Variants in MYO7B observed in about 807,000 individuals in gnomAD.
MYO7B encodes myosin VIIB, also known as unconventional myosin-VIIb.
A neutral mutation model predicts 259.7 loss-of-function variants in MYO7B; 212 were observed. The observed-to-expected ratio is 0.82, with a 90% confidence interval of 0.73 to 0.91. The LOEUF (loss-of-function observed/expected upper bound fraction) is 0.91, where lower values mean the gene tolerates loss of function less well. Among genes scored for constraint, MYO7B ranks in the 40% least tolerant of loss-of-function variants. The probability of loss-of-function intolerance (pLI) is 0.00; values close to 1 mark genes in which losing one functional copy is unlikely to be tolerated. For synonymous variants in MYO7B, 1,197 were observed against 1,166.4 expected (o/e 1.03, Z -0.54); for missense variants, 2,732 against 2,813.5 (o/e 0.97, Z 0.66).
chr2:127,565,764 A>G (rs1316742144), intron 4 of MYO7B, among the ~76,000 whole-genome samples: 1 of 152,116 alleles, frequency 6.6e-6, no homozygotes, highest in Non-Finnish European at 1.5e-5. Context: ...CCAGATCCCA[A>G]GGTCCTGATT....
intron 26 of MYO7B, among the ~76,000 whole-genome samples, chr2:127,616,367 T>C (rs935371870): frequency 5.9e-5 from 9 of 152,316 alleles, no homozygotes; most frequent in African/African-American, 1.2e-4. Context: ...CTAGTTGTAC[T>C]TCCAAATCCC....
At chr2:127,570,059 G>A in intron 6 of MYO7B, 149 bp downstream of exon 6, 1 of 1,013,602 alleles carries the variant, frequency 9.9e-7, no homozygotes, top group Non-Finnish European at 1.4e-6. Flanking sequence ...TGGGGTGCAT[G>A]GTAGGGGAAG....
chr2:127,600,475 C>T (rs143164600), intron 19 of MYO7B, among the ~76,000 whole-genome samples: 2,469 of 152,232 alleles, frequency 0.016, 74 homozygotes, highest in African/African-American at 0.056. Context: ...CTTTGGAGGC[C>T]GAGGCAGGCA....
At position 127,611,152 on chromosome 2, in the gene MYO7B, T is replaced by C. The variant is rs1680370854; in HGVS notation, c.3193-1098T>C. Among the ~76,000 whole-genome samples, 1 of 152,222 alleles carries C rather than the reference T, an allele frequency of 6.6e-6. No homozygotes were observed. ...CTGTTGGTGGGAGGCCTCAGTTCCT[T>C]GTCATGTGGGCCTTTCCACAAAGCT... On this transcript the variant is annotated intron_variant, in intron 24 of 47. Coordinates refer to ENST00000409816, the MANE Select transcript of MYO7B (RefSeq NM_001393586.1). This position sits in a 1 kb window ranked among gnomAD's most constrained non-coding sequence, Gnocchi z 5.4.
Position 127,636,332 on chromosome 2 carries a change from T to C in MYO7B, c.6123+8T>C, listed in dbSNP as rs1366431711. On this transcript the variant is annotated splice_region_variant and intron_variant, in intron 45 of 47. Transcript: ENST00000409816. The surrounding 1 kb of genome is among the most constrained non-coding windows in gnomAD (Gnocchi z 4.5). ...GCCTTCTTCGAGGTGAAGGTAAACC[T>C]TGCCCCACGCCAGGGCCTCCTACCC... 2.5e-6 allele frequency: 4 copies of C among 1,610,608 alleles called. No individual in the cohort carries two copies. In the Admixed American group the frequency reaches 6.7e-5, roughly 27 times the overall value.
At chr2:127,620,530 C>T (rs1436883743) in intron 27 of MYO7B, 64 bp downstream of exon 27, 1 of 1,415,962 alleles carries the variant, frequency 7.1e-7, no homozygotes, top group Admixed American at 2.5e-5. Flanking sequence ...TAGGTGGCCC[C>T]TGGCCCTGGA....
chr2:127,610,305 CATAACA>C (rs560643896), intron 24 of MYO7B, among the ~76,000 whole-genome samples: 77 of 152,268 alleles, frequency 5.1e-4, no homozygotes, highest in Non-Finnish European at 9.0e-4. Flanking sequence ...TTCAGATGCA[CATAACA>C]ATAACAATAA....
intron 6 of MYO7B, 22 bp downstream of exon 6, chr2:127,569,932 G>C: frequency 1.3e-6 from 2 of 1,599,544 alleles, no homozygotes; most frequent in Non-Finnish European, 8.5e-7. Context: ...TCTGGGACCC[G>C]CCCTTCTCCC....
At chr2:127,598,082 G>GT (rs1679838620) in intron 19 of MYO7B, among the ~76,000 whole-genome samples, 1 of 152,174 alleles carries the variant, frequency 6.6e-6, no homozygotes, top group Admixed American at 6.5e-5. Flanking sequence ...CATTTATGAG[G>GT]TTTTTGTGAG....
Position 127,634,218 on chromosome 2 carries a change from G to A in MYO7B, c.5554G>A (p.Asp1852Asn). Residue 1852 changes from aspartate to asparagine, a missense_variant, in exon 41 of 48, where the codon GAC becomes AAC. Coordinates refer to ENST00000409816, the MANE Select transcript of MYO7B (RefSeq NM_001393586.1). ...VANTRVRDVC[D>N]SIATRLQLAS... ...CAACACACGGGTGCGGGATGTGTGT[G>A]ACAGCATTGCCACCAGGCTGCAGCT... The A allele has an allele frequency of 6.2e-7, 1 of 1,601,752 alleles. No homozygotes were observed. The highest frequency in any genetic ancestry group is 1.3e-5 in the African/African-American group (1 of 74,414).
intron 9 of MYO7B, 84 bp from the exon 10 acceptor site, chr2:127,580,662 C>T (rs1197255235): frequency 1.3e-5 from 17 of 1,331,876 alleles, no homozygotes; most frequent in South Asian, 2.5e-5. Flanking sequence ...GGATCTGGGG[C>T]TGCCAAGGGC....
chr2:127,619,805 C>T (rs922616895), intron 26 of MYO7B, among the ~76,000 whole-genome samples: 9 of 152,052 alleles, frequency 5.9e-5, no homozygotes, highest in South Asian at 2.1e-4. Flanking sequence ...TGGGGAAGGA[C>T]GCAGGAGAGA....
At chr2:127,625,129 T>G (rs1681040164) in intron 30 of MYO7B, among the ~76,000 whole-genome samples, 1 of 152,194 alleles carries the variant, frequency 6.6e-6, no homozygotes, top group Admixed American at 6.5e-5. Context: ...ACCCCAGAAC[T>G]GGAGAGCAGC....
At chr2:127,624,380 G>A in intron 30 of MYO7B, 60 bp downstream of exon 30, 2 of 1,475,744 alleles carry the variant, frequency 1.4e-6, no homozygotes, top group Admixed American at 4.2e-5. Context: ...ATCCCATAGA[G>A]GAGGCACCCA....
In MYO7B at chr2:127,535,852, T is replaced by C. The variant is rs1259273902; in HGVS notation, c.-24+21T>C. On this transcript the variant is annotated intron_variant, in intron 1 of 47. Coordinates refer to ENST00000409816, the MANE Select transcript of MYO7B (RefSeq NM_001393586.1). This position sits in a 1 kb window ranked among gnomAD's most constrained non-coding sequence, Gnocchi z 4.8. ...ACAAGGTAAGGGCGTGCCGGGGGCG[T>C]GTCTGCCAGCGGGGAGTAGGGGGTC... The C allele has an allele frequency of 6.6e-6, 1 of 152,016 alleles. No homozygotes were observed. The highest frequency in any genetic ancestry group is 1.5e-5 in the Non-Finnish European group (1 of 68,132). 9.4% of individuals were successfully genotyped at this position (152,016 alleles called of 1,614,324 possible).
At chr2:127,588,592 T>G (rs1679395919) in intron 15 of MYO7B, 37 bp downstream of exon 15, 2 of 1,610,578 alleles carry the variant, frequency 1.2e-6, no homozygotes, top group East Asian at 2.2e-5. Flanking sequence ...CTGTCACCCC[T>G]GATGGCTACA....
chr2:127,636,917 A>G lies in MYO7B; in HGVS notation c.6327+4A>G, dbSNP rs769492742. ...CCTGCTGTGCGAGACCTCCCTGGTG[A>G]GCTCAGGTTCTTTCTCCCATCCAAG... On this transcript the variant is annotated splice_donor_region_variant and intron_variant, in intron 47 of 47. Transcript: ENST00000409816. The surrounding 1 kb of genome is among the most constrained non-coding windows in gnomAD (Gnocchi z 4.5). 1 of 1,611,038 alleles carries G rather than the reference A, an allele frequency of 6.2e-7. No individual in the cohort carries two copies. The highest frequency in any genetic ancestry group is 1.1e-5 in the South Asian group (1 of 91,090).
rs1295016059 is a variant in MYO7B at position 127,546,375 on chromosome 2, G to C, written c.-24+10544G>C. ...GGCACTCAGCTGCTTGCCCACTCCA[G>C]CCCTGTCCTGGTCCAGCAATGCTTT... On this transcript the variant is annotated intron_variant, in intron 1 of 47. Coordinates refer to ENST00000409816, the MANE Select transcript of MYO7B (RefSeq NM_001393586.1). The surrounding 1 kb of genome is among the most constrained non-coding windows in gnomAD (Gnocchi z 4.2). Among the ~76,000 whole-genome samples, 1 of 152,144 alleles carries C rather than the reference G, an allele frequency of 6.6e-6. No homozygotes were observed. The highest frequency in any genetic ancestry group is 1.9e-4 in the East Asian group (1 of 5,188).
chr2:127,564,116 G>T, intron 2 of MYO7B, 37 bp from the exon 3 acceptor site: 1 of 1,391,960 alleles, frequency 7.2e-7, no homozygotes. Context: ...GGAAGAGAGA[G>T]CGGGGATCAC....
Sources: allele counts gnomAD v4.1 joint callset (sites outside exome capture counted in the v4.1 genomes callset), GRCh38; gene constraint gnomAD v4.1.1; non-coding constraint Gnocchi (gnomAD v3.1); transcripts MANE v1.5; gene names NCBI Gene and HGNC (gene_info 2026-07-23, HGNC 2026-07-21).